The following CNTN4 variants were observed in gnomAD, a reference collection of about 807,000 sequenced individuals.
CNTN4 encodes the protein contactin 4.
Under a neutral mutation model 122.5 loss-of-function variants are expected in CNTN4, and 77 were observed. The observed-to-expected ratio is 0.63, with a 90% CI of 0.52 to 0.76. The LOEUF (loss-of-function observed/expected upper bound fraction) is 0.76. Among genes scored for constraint, CNTN4 ranks in the 30% least tolerant of loss-of-function variants. The pLI is 0.00. For synonymous variants in CNTN4, 512 were observed against 447.0 expected (o/e 1.15, Z -1.83); for missense variants, 1,256 against 1,259.1 (o/e 1.00, Z 0.04).
intron 3 of CNTN4, among the ~76,000 whole-genome samples, chr3:2,424,461 A>G (rs1310489489): frequency 6.6e-6 from 1 of 152,118 alleles, no homozygotes; most frequent in Non-Finnish European, 1.5e-5. Context: ...AAGCCAGTCT[A>G]TCATTGATGG....
At chr3:2,179,619 T>C (rs2036920723) in intron 2 of CNTN4, among the ~76,000 whole-genome samples, 1 of 151,974 alleles carries the variant, frequency 6.6e-6, no homozygotes, top group South Asian at 2.1e-4. Context: ...CTCATAGTAC[T>C]CTCTCTTCAA....
At chr3:2,933,778 A>T (rs1239030312) in intron 13 of CNTN4, among the ~76,000 whole-genome samples, 1 of 152,228 alleles carries the variant, frequency 6.6e-6, no homozygotes, top group African/African-American at 2.4e-5. Context: ...CTGGAAGTAT[A>T]GATCTGAGTT....
chr3:2,149,046 T>C (rs1271930458), intron 2 of CNTN4, among the ~76,000 whole-genome samples: 2 of 152,160 alleles, frequency 1.3e-5, no homozygotes, highest in Non-Finnish European at 1.5e-5. Flanking sequence ...TAAACTTTCT[T>C]TAATTGTATC....
intron 7 of CNTN4, among the ~76,000 whole-genome samples, chr3:2,829,176 G>C (rs1483768511): frequency 6.6e-6 from 1 of 152,198 alleles, no homozygotes; most frequent in African/African-American, 2.4e-5. Flanking sequence ...TTGCCAATCA[G>C]AGGGGGTTAC....
intron 3 of CNTN4, among the ~76,000 whole-genome samples, chr3:2,394,817 C>T (rs567977808): frequency 2.4e-5 from 3 of 124,754 alleles, no homozygotes; most frequent in Admixed American, 1.9e-4. Flanking sequence ...GAGACAATCT[C>T]GCTCTGTCAC....
intron 2 of CNTN4, among the ~76,000 whole-genome samples, chr3:2,125,477 C>G (rs2034085982): frequency 6.6e-6 from 1 of 151,884 alleles, no homozygotes; most frequent in Admixed American, 6.6e-5. Context: ...GCAGATATCA[C>G]TTCTAGATCT....
chr3:2,497,135 A>G (rs901867777), intron 3 of CNTN4, among the ~76,000 whole-genome samples: 1 of 152,138 alleles, frequency 6.6e-6, no homozygotes, highest in Non-Finnish European at 1.5e-5. Context: ...GAATTCCTTA[A>G]CCCACTTCAG....
chr3:2,603,928 A>G (rs964602099), intron 4 of CNTN4, among the ~76,000 whole-genome samples: 1 of 152,182 alleles, frequency 6.6e-6, no homozygotes, highest in Non-Finnish European at 1.5e-5. Context: ...CGCATTATCC[A>G]AGGTGAATTG....
intron 2 of CNTN4, among the ~76,000 whole-genome samples, chr3:2,223,267 C>T (rs1043855312): frequency 9.2e-5 from 14 of 152,062 alleles, no homozygotes; most frequent in Admixed American, 2.0e-4. Context: ...TGTGGGTGTC[C>T]GTGGTGGTAA....
chr3:3,011,093 A>G (rs1697181453), intron 14 of CNTN4, among the ~76,000 whole-genome samples: 1 of 152,194 alleles, frequency 6.6e-6, no homozygotes, highest in South Asian at 2.1e-4. Flanking sequence ...TCTTCCCAGA[A>G]GCAACCCTTA....
At chr3:3,020,393 C>T (rs1574842659) in intron 14 of CNTN4, among the ~76,000 whole-genome samples, 1 of 152,186 alleles carries the variant, frequency 6.6e-6, no homozygotes, top group Admixed American at 6.5e-5. Flanking sequence ...AATGCACTAG[C>T]TTAATGTCGA....
chr3:2,811,387 G>A (rs1344986149), intron 6 of CNTN4, among the ~76,000 whole-genome samples: 3 of 147,386 alleles, frequency 2.0e-5, no homozygotes, highest in East Asian at 4.0e-4. Flanking sequence ...CAGCCTGGGC[G>A]ATAGAGCAAG....
At chr3:2,269,768 T>A (rs2041197037) in intron 2 of CNTN4, among the ~76,000 whole-genome samples, 1 of 152,138 alleles carries the variant, frequency 6.6e-6, no homozygotes, top group Non-Finnish European at 1.5e-5. Context: ...TCTACCCTTA[T>A]TTATAAAAAA....
chr3:2,437,910 A>G (rs1455063342), intron 3 of CNTN4, among the ~76,000 whole-genome samples: 1 of 152,214 alleles, frequency 6.6e-6, no homozygotes, highest in Non-Finnish European at 1.5e-5. Context: ...TTGAAAATAA[A>G]TCAGCATTCA....
intron 3 of CNTN4, among the ~76,000 whole-genome samples, chr3:2,550,748 T>C (rs1471615658): frequency 1.3e-5 from 2 of 152,220 alleles, no homozygotes; most frequent in East Asian, 1.9e-4. Flanking sequence ...GGCACATATA[T>C]ACCATGGAAT....
intron 3 of CNTN4, among the ~76,000 whole-genome samples, chr3:2,482,654 A>C (rs2076038374): frequency 6.6e-6 from 1 of 152,134 alleles, no homozygotes; most frequent in Non-Finnish European, 1.5e-5. Context: ...GCTTAGGGAC[A>C]TGGTGCCCTG....
intron 14 of CNTN4, among the ~76,000 whole-genome samples, chr3:3,013,718 A>G (rs1257584417): frequency 6.6e-6 from 1 of 151,250 alleles, no homozygotes; most frequent in Non-Finnish European, 1.5e-5. Context: ...ATGATCTACA[A>G]ATGCAAAATA....
intron 3 of CNTN4, among the ~76,000 whole-genome samples, chr3:2,440,941 G>A (rs1309647782): frequency 6.8e-6 from 1 of 148,008 alleles, no homozygotes; most frequent in Non-Finnish European, 1.5e-5. Context: ...TTATATATGT[G>A]TTTATATTTT....
chr3:2,217,746 A>C (rs2038906992), intron 2 of CNTN4, among the ~76,000 whole-genome samples: 1 of 152,220 alleles, frequency 6.6e-6, no homozygotes, highest in Admixed American at 6.5e-5. Context: ...CATTTTAGAA[A>C]ATTTGGAAAA....
Sources: allele counts gnomAD v4.1 joint callset (sites outside exome capture counted in the v4.1 genomes callset), GRCh38; gene constraint gnomAD v4.1.1; transcripts MANE v1.5; gene names NCBI Gene and HGNC (gene_info 2026-07-23, HGNC 2026-07-21).